Variants in PIERCE1 observed in about 807,000 individuals in gnomAD.
PIERCE1 encodes piercer of microtubule wall 1.
At chr9:135,499,563 T>G in the PIERCE1 span, 1 of 1,129,292 alleles carries the variant, frequency 8.9e-7, no homozygotes, top group South Asian at 1.3e-5. Context: ...CGCCGCTCAC[T>G]GGCGGGCGAT....
chr9:135,495,384 A>G, the PIERCE1 span: 1 of 1,535,902 alleles, frequency 6.5e-7, no homozygotes, highest in Non-Finnish European at 8.8e-7. Context: ...ATTTTCCAGG[A>G]GGCCCTGGGG....
the PIERCE1 span, among the ~76,000 whole-genome samples, chr9:135,496,842 C>T: frequency 6.7e-6 from 1 of 149,768 alleles, no homozygotes; most frequent in Non-Finnish European, 1.5e-5. Context: ...TAGTCACCCA[C>T]GCCGGCGTGC....
chr9:135,499,492 C>T, the PIERCE1 span: 1 of 732,698 alleles, frequency 1.4e-6, no homozygotes, highest in Non-Finnish European at 2.5e-6. Context: ...TCTCCCCCCA[C>T]GGCCCTGCCC....
chr9:135,496,266 G>T, the PIERCE1 span, among the ~76,000 whole-genome samples: 1 of 152,252 alleles, frequency 6.6e-6, no homozygotes. Flanking sequence ...GCAGTGAGCC[G>T]AGATTGTGCC....
chr9:135,498,459 T>C, the PIERCE1 span: 1 of 732,658 alleles, frequency 1.4e-6, no homozygotes, highest in Non-Finnish European at 2.3e-6. The surrounding 1 kb of genome is among the most constrained non-coding windows in gnomAD (Gnocchi z 4.1). Context: ...TGCTGGAACT[T>C]TGGCCTCCTC....
chr9:135,495,432 C>A, the PIERCE1 span: 13 of 1,612,834 alleles, frequency 8.1e-6, no homozygotes, highest in Non-Finnish European at 1.0e-5. Flanking sequence ...GCCCCTCAAT[C>A]GCAGATGGAT....
chr9:135,497,079 G>T, the PIERCE1 span, among the ~76,000 whole-genome samples: 1 of 152,234 alleles, frequency 6.6e-6, no homozygotes, highest in Non-Finnish European at 1.5e-5. Flanking sequence ...TTACAGGCGT[G>T]AGCCACCACG....
chr9:135,498,474 G>C, the PIERCE1 span: 2 of 866,130 alleles, frequency 2.3e-6, no homozygotes, highest in Non-Finnish European at 3.6e-6. This position sits in a 1 kb window ranked among gnomAD's most constrained non-coding sequence, Gnocchi z 4.1. Context: ...CTCCTCCCTG[G>C]GTGCACCCCT....
the PIERCE1 span, chr9:135,499,789 C>A: frequency 6.2e-7 from 1 of 1,604,586 alleles, no homozygotes. Context: ...TGGTCCTCTC[C>A]GGCGGGGCCG....
At chr9:135,496,492 C>T in the PIERCE1 span, among the ~76,000 whole-genome samples, 86 of 152,342 alleles carry the variant, frequency 5.6e-4, no homozygotes, top group Middle Eastern at 6.8e-3. Flanking sequence ...CCACGCACAT[C>T]ACCTGATGTT....
At chr9:135,496,302 A>G in the PIERCE1 span, among the ~76,000 whole-genome samples, 1 of 152,228 alleles carries the variant, frequency 6.6e-6, no homozygotes, top group Non-Finnish European at 1.5e-5. Context: ...GGGCAACAAG[A>G]GCAAAACTCC....
At chr9:135,495,232 A>G in the PIERCE1 span, 1 of 565,742 alleles carries the variant, frequency 1.8e-6, no homozygotes, top group Non-Finnish European at 3.1e-6. Flanking sequence ...CATCTTTCCC[A>G]TGTACTTATT....
the PIERCE1 span, among the ~76,000 whole-genome samples, chr9:135,497,613 G>A: frequency 4.0e-5 from 6 of 151,754 alleles, no homozygotes; most frequent in Non-Finnish European, 7.4e-5. Context: ...TTACAGGGAT[G>A]GGGGTCTCAT....
At chr9:135,496,403 A>G in the PIERCE1 span, among the ~76,000 whole-genome samples, 1 of 152,196 alleles carries the variant, frequency 6.6e-6, no homozygotes, top group Non-Finnish European at 1.5e-5. Context: ...GGTGACTGTG[A>G]CATTCCTGAA....
At chr9:135,497,967 T>C in the PIERCE1 span, among the ~76,000 whole-genome samples, 207 of 152,288 alleles carry the variant, frequency 1.4e-3, no homozygotes, top group Middle Eastern at 6.8e-3. Flanking sequence ...GTGTCCCAGG[T>C]GTGCAGGAGA....
chr9:135,498,483 C>T, the PIERCE1 span: 6 of 953,388 alleles, frequency 6.3e-6, no homozygotes, highest in African/African-American at 1.6e-5. This position sits in a 1 kb window ranked among gnomAD's most constrained non-coding sequence, Gnocchi z 4.1. Flanking sequence ...GGGTGCACCC[C>T]TCCCCGTCTC....
chr9:135,495,709 A>G, the PIERCE1 span: 1 of 1,220,060 alleles, frequency 8.2e-7, no homozygotes, highest in Non-Finnish European at 1.1e-6. Flanking sequence ...TTCATAAGAA[A>G]ATGCAGAGAA....
At chr9:135,498,618 G>T in the PIERCE1 span, 4 of 1,613,890 alleles carry the variant, frequency 2.5e-6, no homozygotes, top group Non-Finnish European at 3.4e-6. This position sits in a 1 kb window ranked among gnomAD's most constrained non-coding sequence, Gnocchi z 4.1. Flanking sequence ...CTCTGCTCCC[G>T]TAAGCCTGGT....
chr9:135,496,188 G>T, the PIERCE1 span, among the ~76,000 whole-genome samples: 3 of 152,178 alleles, frequency 2.0e-5, no homozygotes, highest in Non-Finnish European at 4.4e-5. Flanking sequence ...GTGGTGGCGG[G>T]CGCATGTAAT....
Sources: allele counts gnomAD v4.1 joint callset (sites outside exome capture counted in the v4.1 genomes callset), GRCh38; gene constraint gnomAD v4.1.1; non-coding constraint Gnocchi (gnomAD v3.1); transcripts MANE v1.5; gene names NCBI Gene and HGNC (gene_info 2026-07-23, HGNC 2026-07-21).